MYH6: variants seen among roughly 807,000 people sequenced by gnomAD.
The protein encoded by MYH6 is myosin-6.
MYH6 carries 126 observed loss-of-function variants against 223.2 expected under a neutral mutation model. That is an observed-to-expected ratio of 0.56 (90% confidence interval 0.49 to 0.65). The LOEUF (loss-of-function observed/expected upper bound fraction) is 0.65. Ranked by LOEUF, MYH6 falls within the 30% of genes least tolerant of loss-of-function variation. The pLI is 0.00. For missense variants in MYH6, 2,040 were observed against 2,536.4 expected, an observed-to-expected ratio of 0.80 and a Z score of 4.20; for synonymous variants, 978 against 1,010.2, an observed-to-expected ratio of 0.97 and a Z score of 0.61.
intron 13 of MYH6, 79 bp from the exon 14 acceptor site, chr14:23,400,505 G>T: frequency 6.2e-7 from 1 of 1,608,176 alleles, no homozygotes; most frequent in South Asian, 1.1e-5. Flanking sequence ...GCACTGTGCC[G>T]AGCCCAGCAG....
intron 38 of MYH6, 140 bp from the exon 39 acceptor site, chr14:23,382,203 G>C (rs983580604): frequency 1.2e-5 from 14 of 1,124,258 alleles, no homozygotes; most frequent in Non-Finnish European, 1.9e-5. Context: ...GTGGTCCCAC[G>C]TTAGAGGCAC....
At position 23,397,932 on chromosome 14, in the gene MYH6, CTCTTCT is replaced by C. The variant is rs55907025; in HGVS notation, c.1892-325_1892-320del. The stretch of plus-strand genomic sequence containing the variant: ...AGTTCTCCTCCTCCTCCTCCTCCTC[CTCTTCT>C]TCTTCTTCTTCTTCTTCTTCTTCTT... On this transcript the variant is annotated intron_variant, in intron 15 of 38. Coordinates refer to ENST00000405093, the MANE Select transcript of MYH6 (RefSeq NM_002471.4). Among the ~76,000 whole-genome samples, 892 of 89,750 alleles carry C rather than the reference CTCTTCT, an allele frequency of 9.9e-3. 22 individuals are homozygous for C. Among genetic ancestry groups the C allele is most frequent in the Non-Finnish European group, 0.012 (514 of 43,624 alleles). 58.9% of individuals were successfully genotyped at this position (89,750 alleles called of 152,430 possible).
rs1026338381 is a variant in MYH6, at chr14:23,405,903, C to A, written c.202-133G>T. ...CCCTTGCTCTGACCAGTGCCCCGGC[C>A]CCTACCCCGATGTCCCCTGGGACAC... is the stretch of plus-strand genomic sequence containing the variant. On this transcript the variant is annotated intron_variant, in intron 3 of 38. Transcript: ENST00000405093. This position sits in a 1 kb window ranked among gnomAD's most constrained non-coding sequence, Gnocchi z 4.7. 2 of 1,110,186 alleles carry A rather than the reference C, an allele frequency of 1.8e-6. No homozygotes were observed. Among genetic ancestry groups the A allele is most frequent in the South Asian group, 1.3e-5 (1 of 77,524 alleles). The allele number at this position is 1,110,186 out of a possible 1,614,324, so 68.8% of individuals were successfully genotyped here. A position where few individuals can be genotyped will look rare whatever the true frequency, so the allele number is the denominator to read the frequency against.
intron 37 of MYH6, 101 bp downstream of exon 37, chr14:23,383,124 T>C (rs758084023): frequency 1.8e-6 from 2 of 1,084,914 alleles, no homozygotes; most frequent in Non-Finnish European, 2.8e-6. Flanking sequence ...AGTTAAAGTT[T>C]ATAGCAAACT....
Position 23,388,067 on chromosome 14 carries a change from C to T in MYH6, c.4359+88G>A, listed in dbSNP as rs560126622. On this transcript the variant is annotated intron_variant, in intron 30 of 38. Transcript: ENST00000405093. ...GCCTGGGCTTAGCCCTCCTCCTCCA[C>T]CTCCAAGGAGGTTGCCTTTGGCCTC... The T allele has an allele frequency of 4.9e-5, 79 of 1,609,486 alleles. No homozygotes were observed. The African/African-American group carries it at 9.2e-4, about 19-fold the overall frequency.
rs182912186 is a variant in MYH6 at position 23,388,134 on chromosome 14, C to T, written c.4359+21G>A. 1.1e-4 allele frequency: 184 copies of T among 1,612,200 alleles called. 2 individuals are homozygous for T. The Admixed American group carries it at 1.9e-3, about 17-fold the overall frequency. ...GCCCCCTTGCCCTGCATGCTGGCTG[C>T]GGCCCCCGCCCATGGTCCACCTTGT... is the stretch of plus-strand genomic sequence containing the variant. On this transcript the variant is annotated intron_variant, in intron 30 of 38. Coordinates refer to ENST00000405093, the MANE Select transcript of MYH6 (RefSeq NM_002471.4).
At position 23,402,446 on chromosome 14, in the gene MYH6, C is replaced by A; in HGVS notation, c.1141+18G>T. The A allele has an allele frequency of 1.2e-6, 2 of 1,612,054 alleles. No individual in the cohort carries two copies. The highest frequency in any genetic ancestry group is 1.7e-6 in the Non-Finnish European group (2 of 1,179,944). On this transcript the variant is annotated intron_variant, in intron 12 of 38. Transcript: ENST00000405093. ...AGCACCTCAGGCCTTCCCAGGGCTG[C>A]CTGCCTGCCCCTCCCACCTTCGGTG... is the stretch of plus-strand genomic sequence containing the variant.
At chr14:23,397,486 A>C in intron 16 of MYH6, 57 bp downstream of exon 16, 1 of 1,564,740 alleles carries the variant, frequency 6.4e-7, no homozygotes, top group Non-Finnish European at 8.8e-7. Flanking sequence ...GTGCAGCCAG[A>C]AGTCTCTGGG....
chr14:23,389,315 C>G, intron 28 of MYH6, 78 bp downstream of exon 28: 1 of 1,509,746 alleles, frequency 6.6e-7, no homozygotes, highest in South Asian at 1.1e-5. Flanking sequence ...TTTCCAGCTC[C>G]AGGCTCCATT....
At chr14:23,393,280 G>A in intron 23 of MYH6, 62 bp downstream of exon 23, 1 of 1,601,946 alleles carries the variant, frequency 6.2e-7, no homozygotes, top group Non-Finnish European at 8.6e-7. Context: ...GGACTTTCTG[G>A]GCCATTGGTG....
intron 14 of MYH6, 89 bp downstream of exon 14, chr14:23,400,167 C>A (rs762545464): frequency 6.3e-7 from 1 of 1,596,204 alleles, no homozygotes; most frequent in Non-Finnish European, 8.6e-7. Context: ...ATTCTTGGGA[C>A]TCTAGTTTCT....
chr14:23,387,306 G>C (rs772998502), intron 32 of MYH6, among the ~76,000 whole-genome samples: 17 of 152,174 alleles, frequency 1.1e-4, no homozygotes, highest in Non-Finnish European at 2.4e-4. Flanking sequence ...TTTAAAACCT[G>C]GTGGGAAACA....
At chr14:23,402,672 CG>C in intron 11 of MYH6, 24 bp downstream of exon 11, 1 of 1,613,570 alleles carries the variant, frequency 6.2e-7, no homozygotes. Context: ...GTCCCTCGAA[CG>C]GCCGCAGCAG....
chr14:23,383,123 T>A, intron 37 of MYH6, 102 bp downstream of exon 37: 1 of 1,086,048 alleles, frequency 9.2e-7, no homozygotes, highest in Non-Finnish European at 1.4e-6. Flanking sequence ...GAGTTAAAGT[T>A]TATAGCAAAC....
At chr14:23,385,872 A>G (rs911103874) in intron 34 of MYH6, 56 bp downstream of exon 34, 17 of 1,612,806 alleles carry the variant, frequency 1.1e-5, no homozygotes, top group Non-Finnish European at 1.4e-5. Flanking sequence ...GCTTTTCTAG[A>G]TGTCCTGGGC....
At chr14:23,383,924 C>G (rs1211141729) in intron 36 of MYH6, among the ~76,000 whole-genome samples, 2 of 152,130 alleles carry the variant, frequency 1.3e-5, no homozygotes, top group Non-Finnish European at 2.9e-5. Context: ...ATCCATCTAT[C>G]AAATGGACTG....
Position 23,404,704 on chromosome 14 carries a change from A to C in MYH6, c.642+7T>G. The C allele has an allele frequency of 6.2e-7, 1 of 1,613,024 alleles. No homozygotes were observed. The highest frequency in any genetic ancestry group is 1.7e-5 in the Admixed American group (1 of 60,014). On this transcript the variant is annotated splice_region_variant and intron_variant, in intron 7 of 38. Transcript: ENST00000405093. ...CTGTTCTGCCGAGCCTGTGTCCCCC[A>C]TGGCACCTTGTTCGCATTGGCATTG...
intron 3 of MYH6, among the ~76,000 whole-genome samples, chr14:23,406,724 T>C (rs1349004454): frequency 6.6e-6 from 1 of 152,194 alleles, no homozygotes; most frequent in Non-Finnish European, 1.5e-5. Flanking sequence ...GGGGGCATCA[T>C]TTAATGCTGT....
In MYH6 at chr14:23,405,728, G is replaced by A. The variant is rs754260713; in HGVS notation, c.244C>T (p.Pro82Ser). ...ATGTCCTCAATCTTGTCGAACTTGG[G>A]TGGGTTCTGCTGCAACACCTGGTCC... is the stretch of plus-strand genomic sequence containing the variant. ...KEDQVLQQNP[P>S]KFDKIEDMAM... is the part of the protein sequence containing the mutation. Residue 82 changes from proline (P) to serine (S), a missense_variant, in exon 4 of 39, where the codon CCC becomes TCC. Pro to Ser is a moderately conservative substitution (Grantham distance 74). This residue lies in a region of MYH6 where 184 missense variants were observed against 232.4 expected (regional missense o/e 0.79). Transcript: ENST00000405093. This position sits in a 1 kb window ranked among gnomAD's most constrained non-coding sequence, Gnocchi z 4.7. 57 of 1,614,026 alleles carry A rather than the reference G, an allele frequency of 3.5e-5. No homozygotes were observed. The highest frequency in any genetic ancestry group is 4.5e-5 in the Non-Finnish European group (53 of 1,180,032).
Sources: gnomAD v4.1 joint callset for allele counts (sites outside exome capture counted in the v4.1 genomes callset) on GRCh38, gnomAD v4.1.1 for gene constraint, gnomAD v4.1.1 regional missense constraint, Gnocchi (gnomAD v3.1) non-coding constraint, MANE v1.5 for transcripts, NCBI Gene and HGNC (gene_info 2026-07-23, HGNC 2026-07-21) for gene names.